The following TXNL4A variants were observed in gnomAD, a reference collection of about 807,000 sequenced individuals.
TXNL4A encodes the protein thioredoxin-like protein 4A.
Under a neutral mutation model 14.6 loss-of-function variants are expected in TXNL4A, and 17 were observed. The observed-to-expected ratio is 1.16, with a 90% CI of 0.80 to 1.74. The LOEUF is 1.74. TXNL4A is among the 40% of genes most tolerant of loss of function. The pLI is 0.00. For missense variants in TXNL4A, 74 were observed against 195.2 expected (o/e 0.38, Z 3.70); for synonymous variants, 83 against 70.6 (o/e 1.18, Z -0.88).
chr18:80,014,494 C>T (rs963407768), intron 1 of TXNL4A, among the ~76,000 whole-genome samples: 8 of 152,172 alleles, frequency 5.3e-5, no homozygotes, highest in Admixed American at 1.3e-4. Context: ...AAATGATCTC[C>T]TTTGACTTCG....
chr18:79,997,481 C>A (rs1599739021), intron 1 of TXNL4A, among the ~76,000 whole-genome samples: 4 of 152,200 alleles, frequency 2.6e-5, no homozygotes, highest in Admixed American at 2.0e-4. Flanking sequence ...CAATAATCCC[C>A]AACCCACATA....
At chr18:80,004,791 C>T (rs947529529) in intron 1 of TXNL4A, among the ~76,000 whole-genome samples, 3 of 152,134 alleles carry the variant, frequency 2.0e-5, no homozygotes, top group African/African-American at 7.2e-5. Context: ...ACATCGAGTG[C>T]GCAGTGGCTG....
upstream of TXNL4A, among the ~76,000 whole-genome samples, chr18:79,992,855 C>T (rs1270791721): frequency 1.6e-5 from 2 of 121,644 alleles, no homozygotes; most frequent in Non-Finnish European, 3.3e-5. Context: ...TTCCTCTGCC[C>T]CATTTGTCTG....
Position 79,973,363 on chromosome 18 carries a change from C to T in TXNL4A, c.*322G>A. The T allele has an allele frequency of 4.1e-6, 1 of 246,222 alleles. No homozygotes were observed. The highest frequency in any genetic ancestry group is 7.8e-6 in the Non-Finnish European group (1 of 128,410). 15.3% of individuals were successfully genotyped at this position (246,222 alleles called of 1,614,324 possible). The stretch of plus-strand genomic sequence containing the variant: ...GCCCAGCTCGCGGCATATGCTGTCA[C>T]CGCAGCCCCAGCAAACCAACCCAGT... On this transcript the variant is annotated 3_prime_UTR_variant, in exon 3 of 3. Coordinates refer to ENST00000269601, the MANE Select transcript of TXNL4A (RefSeq NM_006701.5).
rs113898814 is a variant in TXNL4A, at chr18:79,978,763, C to G, written c.154-1062G>C. Among the ~76,000 whole-genome samples, 6 of 148,988 alleles carry G rather than the reference C, an allele frequency of 4.0e-5. No individual in the cohort carries two copies. In the East Asian group the frequency reaches 6.1e-4, roughly 15 times the overall value. ...CCTGCCTTGGCCTCCCAAAGTGCTG[C>G]GATTACAGGCATGAGCCACCACGCC... On this transcript the variant is annotated intron_variant, in intron 1 of 2. Coordinates refer to ENST00000269601, the MANE Select transcript of TXNL4A (RefSeq NM_006701.5).
intron 1 of TXNL4A, among the ~76,000 whole-genome samples, chr18:79,995,888 G>A (rs936700902): frequency 2.6e-5 from 4 of 151,922 alleles, no homozygotes; most frequent in African/African-American, 9.7e-5. Flanking sequence ...AGATCATGAG[G>A]TCAGGAGATC....
intron 1 of TXNL4A, among the ~76,000 whole-genome samples, chr18:80,032,843 A>G (rs1283587333): frequency 6.6e-6 from 1 of 152,240 alleles, no homozygotes; most frequent in East Asian, 1.9e-4. Flanking sequence ...CCATTTCAAA[A>G]AAATAAAACT....
intron 1 of TXNL4A, among the ~76,000 whole-genome samples, chr18:80,025,554 A>G (rs955464166): frequency 6.6e-6 from 1 of 152,232 alleles, no homozygotes; most frequent in African/African-American, 2.4e-5. Context: ...TTCTCTTATG[A>G]CCACCCCATT....
At chr18:80,026,813 A>AT (rs1382564092) in intron 1 of TXNL4A, among the ~76,000 whole-genome samples, 2 of 152,190 alleles carry the variant, frequency 1.3e-5, no homozygotes, top group Non-Finnish European at 2.9e-5. Context: ...TAATGCCGAC[A>AT]TATCTTTTTC....
At chr18:80,019,674 G>A (rs190774729) in intron 1 of TXNL4A, among the ~76,000 whole-genome samples, 215 of 152,290 alleles carry the variant, frequency 1.4e-3, no homozygotes, top group African/African-American at 4.9e-3. Context: ...TGTCACCCTT[G>A]TTCCTTCTTA....
chr18:80,023,921 C>T (rs765230526), intron 1 of TXNL4A, among the ~76,000 whole-genome samples: 11 of 152,312 alleles, frequency 7.2e-5, no homozygotes, highest in East Asian at 3.9e-4. Flanking sequence ...CTCCTGGGCA[C>T]GTCCTTAACT....
Position 79,971,304 on chromosome 18 carries a change from G to A in TXNL4A, c.*2381C>T, listed in dbSNP as rs1248288681. ...CAATTCTCCTGGGTATGAAACTGCT[G>A]GGTCAAATGGTAACACCATGTTTAT... On this transcript the variant is annotated 3_prime_UTR_variant, in exon 3 of 3. Transcript: ENST00000269601. 2 of 152,232 alleles carry A rather than the reference G, an allele frequency of 1.3e-5. No homozygotes were observed. Among genetic ancestry groups the A allele is most frequent in the African/African-American group, 4.8e-5 (2 of 41,450 alleles). 9.4% of individuals were successfully genotyped at this position (152,232 alleles called of 1,614,324 possible). A position where few individuals can be genotyped will look rare whatever the true frequency, so the allele number is the denominator to read the frequency against.
At position 79,973,751 on chromosome 18, in the gene TXNL4A, G is replaced by A. The variant is rs375568005; in HGVS notation, c.363C>T (p.Arg121=). The A allele has an allele frequency of 7.1e-5, 114 of 1,614,064 alleles. No individual in the cohort carries two copies. Among genetic ancestry groups the A allele is most frequent in the Non-Finnish European group, 9.1e-5 (107 of 1,180,040 alleles). Residue 121 remains arginine (R), a synonymous_variant, in exon 3 of 3, where the codon CGC becomes CGT. Transcript: ENST00000269601. Reference sequence around the variant, plus strand: ...CCAGGCCGCGGCCTTTGCGGGCCCCGCGGTACACCGTCTCGATGATGTCCA... The same window carrying A: ...CCAGGCCGCGGCCTTTGCGGGCCCCACGGTACACCGTCTCGATGATGTCCA... The part of the protein sequence containing the change: ...EMVDIIETVY[R]GARKGRGLVV...
At chr18:79,999,348 C>T (rs560686702) in intron 1 of TXNL4A, among the ~76,000 whole-genome samples, 3 of 152,034 alleles carry the variant, frequency 2.0e-5, no homozygotes, top group East Asian at 3.9e-4. Flanking sequence ...CCAGCCTGGC[C>T]GACATAGTGA....
At chr18:80,033,635 G>C (rs1316497910) in intron 1 of TXNL4A, among the ~76,000 whole-genome samples, 1 of 152,244 alleles carries the variant, frequency 6.6e-6, no homozygotes, top group Non-Finnish European at 1.5e-5. Flanking sequence ...TCGTTGCTTT[G>C]TGCGGCGCAC....
intron 1 of TXNL4A, among the ~76,000 whole-genome samples, chr18:79,983,575 G>C (rs1017599414): frequency 1.3e-5 from 2 of 152,138 alleles, no homozygotes; most frequent in Non-Finnish European, 1.5e-5. Context: ...TCCGGAAAAA[G>C]TGTTCTGGGC....
chr18:79,997,630 C>T (rs1290774539), intron 1 of TXNL4A, among the ~76,000 whole-genome samples: 5 of 152,076 alleles, frequency 3.3e-5, no homozygotes, highest in African/African-American at 1.2e-4. Context: ...TATATGTGGA[C>T]GGTAATGCCT....
intron 1 of TXNL4A, among the ~76,000 whole-genome samples, chr18:79,985,087 T>C (rs552594560): frequency 2.8e-5 from 4 of 142,106 alleles, no homozygotes; most frequent in Non-Finnish European, 6.2e-5. Context: ...AATGGAAAGA[T>C]AGCTCAAAGG....
intron 1 of TXNL4A, among the ~76,000 whole-genome samples, chr18:80,004,709 G>A (rs1168834975): frequency 2.6e-5 from 4 of 152,160 alleles, no homozygotes; most frequent in South Asian, 2.1e-4. Context: ...GAATGTGCAC[G>A]CTCTGAGAAC....
Sources: allele counts gnomAD v4.1 joint callset (sites outside exome capture counted in the v4.1 genomes callset), GRCh38; gene constraint gnomAD v4.1.1; transcripts MANE v1.5; gene names NCBI Gene and HGNC (gene_info 2026-07-23, HGNC 2026-07-21).